Variants in FBLN2 observed in about 807,000 individuals in gnomAD.
FBLN2 encodes the protein fibulin 2.
In FBLN2, 81 loss-of-function variants were observed where a neutral mutation model predicts 123.7. That is an observed-to-expected ratio of 0.65 (90% CI 0.55 to 0.79). FBLN2 has a LOEUF of 0.79. Ranked by LOEUF, FBLN2 falls within the 30% of genes least tolerant of loss-of-function variation. FBLN2 has a pLI of 0.00. For missense variants in FBLN2, 1,603 were observed against 1,681.3 expected, an observed-to-expected ratio of 0.95 and a Z score of 0.81; for synonymous variants, 699 against 701.4, an observed-to-expected ratio of 1.00 and a Z score of 0.05.
intron 17 of FBLN2, among the ~76,000 whole-genome samples, chr3:13,636,887 C>T (rs191805397): frequency 1.3e-5 from 2 of 152,338 alleles, no homozygotes; most frequent in Non-Finnish European, 2.9e-5. Flanking sequence ...CTCTTTGTCA[C>T]GCAGTGTCTG....
At position 13,571,091 on chromosome 3, in the gene FBLN2, C is replaced by CCAT. The variant is rs1703930264; in HGVS notation, c.737_738insATC (p.Pro246_Trp247insSer). 1 of 1,553,076 alleles carries CCAT rather than the reference C, an allele frequency of 6.4e-7. No individual in the cohort carries two copies. The highest frequency in any genetic ancestry group is 8.7e-7 in the Non-Finnish European group (1 of 1,148,612). Reference sequence around the variant, plus strand: ...GCCACTGTCCACCATCCAGGCACCCCCCTGGCCAGCTGTCCTCCCCAGGCC... The same window carrying CCAT: ...GCCACTGTCCACCATCCAGGCACCCCCATCCTGGCCAGCTGTCCTCCCCAGGCC... On this transcript the variant is annotated inframe_insertion, in exon 2 of 18. Coordinates refer to ENST00000404922, the MANE Select transcript of FBLN2 (RefSeq NM_001004019.2).
At chr3:13,597,366 T>C (rs928196201) in intron 2 of FBLN2, among the ~76,000 whole-genome samples, 6 of 152,196 alleles carry the variant, frequency 3.9e-5, no homozygotes, top group African/African-American at 1.4e-4. Context: ...ACAGAAACCA[T>C]AGGGTCGCCC....
At position 13,633,811 on chromosome 3, in the gene FBLN2, T is replaced by G. The variant is rs139293001; in HGVS notation, c.3214+2354T>G. Among the ~76,000 whole-genome samples the G allele has an allele frequency of 3.3e-5, 5 of 152,344 alleles. No homozygotes were observed. In the East Asian group the frequency reaches 9.6e-4, roughly 29 times the overall value. ...GAAGGTAGGGCCCTATCTGTCCGGC[T>G]CACCAGCATCTAGAGCAATGCCCAG... On this transcript the variant is annotated intron_variant, in intron 16 of 17. Transcript: ENST00000404922.
At chr3:13,626,041 C>T (rs80265372) in intron 9 of FBLN2, among the ~76,000 whole-genome samples, 6,356 of 152,014 alleles carry the variant, frequency 0.042, 187 homozygotes, top group African/African-American at 0.082. Flanking sequence ...CATCCCTGAC[C>T]CATCCCGCCC....
At chr3:13,576,942 G>A (rs1419923063) in intron 2 of FBLN2, among the ~76,000 whole-genome samples, 1 of 152,210 alleles carries the variant, frequency 6.6e-6, no homozygotes, top group East Asian at 1.9e-4. Flanking sequence ...TTAAAGCAAG[G>A]TGAGGTGGCT....
At chr3:13,571,705 G>A (rs907583561) in intron 2 of FBLN2, 44 bp downstream of exon 2, 5 of 1,476,516 alleles carry the variant, frequency 3.4e-6, no homozygotes, top group Admixed American at 4.9e-5. Flanking sequence ...TGTGTGGGAA[G>A]GGCAGCCTTG....
chr3:13,603,249 T>TTTAA (rs199918491), intron 2 of FBLN2, among the ~76,000 whole-genome samples: 1 of 149,670 alleles, frequency 6.7e-6, no homozygotes, highest in African/African-American at 2.5e-5. Flanking sequence ...TTTTTTTTTT[T>TTTAA]AATTATACTT....
intron 1 of FBLN2, among the ~76,000 whole-genome samples, chr3:13,558,173 G>A (rs753964179): frequency 6.6e-6 from 1 of 152,200 alleles, no homozygotes; most frequent in African/African-American, 2.4e-5. Flanking sequence ...ATGCTGTGGT[G>A]GCCAAGGGAG....
intron 1 of FBLN2, among the ~76,000 whole-genome samples, chr3:13,558,076 C>T (rs1010621658): frequency 2.0e-5 from 3 of 152,180 alleles, no homozygotes; most frequent in Admixed American, 6.5e-5. Flanking sequence ...ATTTCAGGGC[C>T]GTGCAAATAA....
At chr3:13,608,219 T>A in intron 3 of FBLN2, 46 bp downstream of exon 3, 1 of 1,405,710 alleles carries the variant, frequency 7.1e-7, no homozygotes, top group South Asian at 1.2e-5. Context: ...ATTTGCCTTC[T>A]CCAGAACCCT....
intron 9 of FBLN2, among the ~76,000 whole-genome samples, chr3:13,623,426 T>C (rs1562807): frequency 0.78 from 118,398 of 152,130 alleles, 46,590 homozygotes; most frequent in East Asian, 0.98. Flanking sequence ...TGAGCTCACA[T>C]GCATTCCTTT....
chr3:13,550,253 G>A (rs1252132599), intron 1 of FBLN2, among the ~76,000 whole-genome samples: 1 of 152,224 alleles, frequency 6.6e-6, no homozygotes, highest in Non-Finnish European at 1.5e-5. Flanking sequence ...CATGGGACCT[G>A]GGTGGCTGTG....
rs762351564 is a variant in FBLN2, at chr3:13,621,286, C to T, written c.2156-489C>T. Among the ~76,000 whole-genome samples the T allele has an allele frequency of 8.5e-5, 13 of 152,254 alleles. 1 individual carries two copies. The highest frequency in any genetic ancestry group is 1.9e-4 in the Non-Finnish European group (13 of 68,052). Reference sequence around the variant, plus strand: ...GAGCACAAGAATGATTAAAACACTTCCAGATTTTAGGTTTCTCTTGGTGTG... The same window carrying T: ...GAGCACAAGAATGATTAAAACACTTTCAGATTTTAGGTTTCTCTTGGTGTG... On this transcript the variant is annotated intron_variant, in intron 8 of 17. Transcript: ENST00000404922.
At position 13,604,696 on chromosome 3, in the gene FBLN2, C is replaced by A. The variant is rs556797292; in HGVS notation, c.1307-3366C>A. Among the ~76,000 whole-genome samples the A allele has an allele frequency of 3.9e-5, 6 of 152,268 alleles. No homozygotes were observed. In the South Asian group the frequency reaches 1.0e-3, roughly 26 times the overall value. Reference sequence around the variant, plus strand: ...AGTGGGGGATGTGTCTAATGTTCCCCCATTGAGTATGATGTTTGCTATGTG... The same window carrying A: ...AGTGGGGGATGTGTCTAATGTTCCCACATTGAGTATGATGTTTGCTATGTG... On this transcript the variant is annotated intron_variant, in intron 2 of 17. Coordinates refer to ENST00000404922, the MANE Select transcript of FBLN2 (RefSeq NM_001004019.2).
In FBLN2 at chr3:13,570,456, C is replaced by G; in HGVS notation, c.101C>G (p.Thr34Arg). The G allele has an allele frequency of 6.4e-7, 1 of 1,571,876 alleles. No homozygotes were observed. The highest frequency in any genetic ancestry group is 8.6e-7 in the Non-Finnish European group (1 of 1,160,052). ...VAAAAPRQDC[T>R]GVECPPLENC... is the part of the protein sequence containing the mutation. Reference sequence around the variant, plus strand: ...GCAGCTGCCCCTCGGCAGGACTGCACGGGCGTGGAGTGCCCGCCGCTGGAG... The same window carrying G: ...GCAGCTGCCCCTCGGCAGGACTGCAGGGGCGTGGAGTGCCCGCCGCTGGAG... The change falls in exon 2 of 18, where the codon ACG becomes AGG. Residue 34 changes from threonine (T) to arginine (R), a missense_variant. Transcript: ENST00000404922.
intron 1 of FBLN2, among the ~76,000 whole-genome samples, chr3:13,564,930 T>C (rs940813139): frequency 3.3e-5 from 5 of 152,216 alleles, no homozygotes; most frequent in African/African-American, 1.2e-4. Context: ...AGCGAGGAGC[T>C]TGTGGCCAGG....
chr3:13,560,433 G>A lies in FBLN2; in HGVS notation c.-41-9882G>A, dbSNP rs910178706. Among the ~76,000 whole-genome samples the A allele has an allele frequency of 5.3e-5, 8 of 152,280 alleles. No individual in the cohort carries two copies. In the South Asian group the frequency reaches 1.5e-3, roughly 28 times the overall value. On this transcript the variant is annotated intron_variant, in intron 1 of 17. Coordinates refer to ENST00000404922, the MANE Select transcript of FBLN2 (RefSeq NM_001004019.2). Reference sequence around the variant, plus strand: ...GCCTACAGCTTGGTCTGTACTTCACGTGTAGGGCTTGCCCTGGACCTGCTG... The same window carrying A: ...GCCTACAGCTTGGTCTGTACTTCACATGTAGGGCTTGCCCTGGACCTGCTG...
Position 13,636,559 on chromosome 3 carries a change from T to C in FBLN2, c.3329T>C (p.Val1110Ala), listed in dbSNP as rs886501109. ...GAGTGTCCTCCCAACTATGTCCAAG[T>C]CTCCAAAACGTGAGTGTCCCCACCC... The part of the protein sequence containing the change: ...RFECPPNYVQ[V>A]SKTKCERTTC... The change falls in exon 17 of 18, where the codon GTC (valine) becomes GCC (alanine). Residue 1110 changes from valine (V) to alanine (A), a missense_variant. Coordinates refer to ENST00000404922, the MANE Select transcript of FBLN2 (RefSeq NM_001004019.2). 1 of 1,613,286 alleles carries C rather than the reference T, an allele frequency of 6.2e-7. No homozygotes were observed. Among genetic ancestry groups the C allele is most frequent in the Non-Finnish European group, 8.5e-7 (1 of 1,179,632 alleles).
intron 4 of FBLN2, among the ~76,000 whole-genome samples, chr3:13,612,415 C>G (rs1189638048): frequency 1.3e-5 from 2 of 151,168 alleles, no homozygotes; most frequent in African/African-American, 2.4e-5. Context: ...GAGTCTCGCT[C>G]TGTCACCCAG....
Sources: allele counts gnomAD v4.1 joint callset (sites outside exome capture counted in the v4.1 genomes callset), GRCh38; gene constraint gnomAD v4.1.1; transcripts MANE v1.5; gene names NCBI Gene and HGNC (gene_info 2026-07-23, HGNC 2026-07-21).